The following ENG variants were observed in gnomAD, a reference collection of about 807,000 sequenced individuals.
The protein encoded by ENG is endoglin.
Under a neutral mutation model 71.0 loss-of-function variants are expected in ENG, and 17 were observed. That is an observed-to-expected ratio of 0.24 (90% CI 0.16 to 0.36). The LOEUF is 0.36. Ranked by LOEUF, ENG falls within the 10% of genes least tolerant of loss-of-function variation. The pLI is 1.00. For missense variants in ENG, 749 were observed against 868.3 expected (o/e 0.86, Z 1.73); for synonymous variants, 360 against 366.9 (o/e 0.98, Z 0.21).
At chr9:127,850,848 T>C (rs1437511287) in intron 1 of ENG, among the ~76,000 whole-genome samples, 1 of 152,208 alleles carries the variant, frequency 6.6e-6, no homozygotes, top group East Asian at 1.9e-4. Flanking sequence ...CTGTGCATTG[T>C]GGTAGTATTT....
chr9:127,834,522 A>G (rs551756655), intron 2 of ENG, among the ~76,000 whole-genome samples: 1 of 152,220 alleles, frequency 6.6e-6, no homozygotes, highest in Non-Finnish European at 1.5e-5. Context: ...CTCCTGCCTC[A>G]GACTCCTGAG....
At chr9:127,851,246 G>T (rs980853556) in intron 1 of ENG, among the ~76,000 whole-genome samples, 2 of 151,424 alleles carry the variant, frequency 1.3e-5, no homozygotes, top group African/African-American at 4.9e-5. Context: ...TTGATACAAA[G>T]TGTTGCTCTG....
At chr9:127,817,321 G>A (rs1830348963) in intron 12 of ENG, 118 bp from the exon 13 acceptor site, 5 of 968,852 alleles carry the variant, frequency 5.2e-6, no homozygotes, top group Non-Finnish European at 8.2e-6. Flanking sequence ...CATCTCCACC[G>A]CTTCGTAGCT....
intron 13 of ENG, chr9:127,816,317 G>A (rs980307574): frequency 2.0e-5 from 11 of 555,228 alleles, no homozygotes; most frequent in East Asian, 9.3e-5. Context: ...TGGAGATGGC[G>A]TTTTCAGGGA....
chr9:127,828,806 C>T (rs1331980184), intron 3 of ENG, among the ~76,000 whole-genome samples: 1 of 152,174 alleles, frequency 6.6e-6, no homozygotes, highest in Non-Finnish European at 1.5e-5. Context: ...CAACTTCGCT[C>T]AAGCCTGCCT....
rs1830894830 is a variant in ENG at position 127,836,048 on chromosome 9, C to T, written c.220-6221G>A. On this transcript the variant is annotated intron_variant, in intron 2 of 14. Coordinates refer to ENST00000373203, the MANE Select transcript of ENG (RefSeq NM_001114753.3). This position sits in a 1 kb window ranked among gnomAD's most constrained non-coding sequence, Gnocchi z 4.0. ...GGCCAAGCTGAAAAACAGCTGGTTA[C>T]CAGAAAAACCCAGTCAGGGTTTCTA... Among the ~76,000 whole-genome samples, 1 of 152,158 alleles carries T rather than the reference C, an allele frequency of 6.6e-6. No individual in the cohort carries two copies. Among genetic ancestry groups the T allele is most frequent in the Admixed American group, 6.5e-5 (1 of 15,280 alleles).
chr9:127,828,147 G>A (rs1830670660), intron 3 of ENG, among the ~76,000 whole-genome samples: 1 of 151,670 alleles, frequency 6.6e-6, no homozygotes. Flanking sequence ...GGCAACAGTA[G>A]ACAAGACACC....
chr9:127,847,638 CGG>C (rs1831198048), intron 1 of ENG, among the ~76,000 whole-genome samples: 1 of 152,018 alleles, frequency 6.6e-6, no homozygotes, highest in African/African-American at 2.4e-5. Context: ...TTTGTAGAGA[CGG>C]GGTTTCGCCG....
At chr9:127,833,057 G>T (rs888995350) in intron 2 of ENG, among the ~76,000 whole-genome samples, 1 of 152,090 alleles carries the variant, frequency 6.6e-6, no homozygotes, top group Admixed American at 6.5e-5. Context: ...GCACCCGGCC[G>T]CTCTCACATT....
intron 14 of ENG, 51 bp downstream of exon 14, chr9:127,815,892 G>A (rs373626498): frequency 7.0e-6 from 11 of 1,570,008 alleles, no homozygotes; most frequent in Admixed American, 5.6e-5. Context: ...GGGCTCCCCC[G>A]GGTGGATGGA....
chr9:127,843,729 C>CCA (rs1229688045), intron 1 of ENG, among the ~76,000 whole-genome samples: 23 of 52,434 alleles, frequency 4.4e-4, no homozygotes, highest in African/African-American at 1.1e-3. Flanking sequence ...ACCCACACAT[C>CCA]CACATACATA....
At chr9:127,818,674 C>T in intron 11 of ENG, 42 bp downstream of exon 11, 1 of 1,597,448 alleles carries the variant, frequency 6.3e-7, no homozygotes, top group Non-Finnish European at 8.6e-7. Flanking sequence ...GAGGAAGTTC[C>T]AGGAGCTGGG....
chr9:127,845,992 G>A (rs1259872167), intron 1 of ENG, among the ~76,000 whole-genome samples: 1 of 152,234 alleles, frequency 6.6e-6, no homozygotes, highest in African/African-American at 2.4e-5. Flanking sequence ...ACAGGTGTGA[G>A]CCACCATGAG....
At chr9:127,830,389 TC>T (rs1470710773) in intron 2 of ENG, among the ~76,000 whole-genome samples, 1 of 143,078 alleles carries the variant, frequency 7.0e-6, no homozygotes, top group African/African-American at 2.6e-5. Flanking sequence ...ACACCTGTAA[TC>T]CCAGCACTCT....
intron 1 of ENG, among the ~76,000 whole-genome samples, chr9:127,843,652 TAC>T (rs559947476): frequency 3.5e-5 from 5 of 141,452 alleles, no homozygotes; most frequent in East Asian, 2.1e-4. Flanking sequence ...TATATATACA[TAC>T]ACACACATAT....
intron 13 of ENG, chr9:127,816,362 G>C (rs1461139982): frequency 2.1e-6 from 1 of 468,744 alleles, no homozygotes; most frequent in Non-Finnish European, 3.9e-6. Flanking sequence ...ACTGAGGCTC[G>C]GGAGTACAGA....
At chr9:127,819,799 C>T (rs941126257) in intron 9 of ENG, 101 bp downstream of exon 9, 2 of 1,609,912 alleles carry the variant, frequency 1.2e-6, no homozygotes, top group Admixed American at 3.3e-5. Context: ...GCCCCTGCAG[C>T]CTGCTCTCCC....
At position 127,854,363 on chromosome 9, in the gene ENG, A is replaced by G. The variant is rs1345792000; in HGVS notation, c.-8T>C. 5.7e-6 allele frequency: 9 copies of G among 1,584,098 alleles called. No homozygotes were observed. In the East Asian group the frequency reaches 1.9e-4, roughly 33 times the overall value. ...GAGCGTGCCGCGGTCCATGCTGTCC[A>G]CGTGGGGGCCTGTGCGCTGGGCCTT... On this transcript the variant is annotated 5_prime_UTR_variant, in exon 1 of 15. Coordinates refer to ENST00000373203, the MANE Select transcript of ENG (RefSeq NM_001114753.3).
Position 127,815,807 on chromosome 9 carries a change from C to CTGGGAG in ENG, c.1853-7_1853-2dup. The CTGGGAG allele has an allele frequency of 6.5e-7, 1 of 1,546,870 alleles. No homozygotes were observed. The highest frequency in any genetic ancestry group is 2.0e-5 in the Admixed American group (1 of 50,974). ...ACGGGCTCCCGCTTGCTGGGGGAAC[C>CTGGGAG]TGGGAGCGGGAGCGGGGGCAGGGGC... On this transcript the variant is annotated splice_acceptor_variant, in intron 14 of 14. Transcript: ENST00000373203. LOFTEE classifies it high-confidence loss of function.
Sources: allele counts gnomAD v4.1 joint callset (sites outside exome capture counted in the v4.1 genomes callset), GRCh38; gene constraint gnomAD v4.1.1; non-coding constraint Gnocchi (gnomAD v3.1); transcripts MANE v1.5; gene names NCBI Gene and HGNC (gene_info 2026-07-23, HGNC 2026-07-21).